PCDHA2: variants seen among roughly 807,000 people sequenced by gnomAD.
The protein encoded by PCDHA2 is protocadherin alpha 2, also known as protocadherin alpha-2.
Under a neutral mutation model 66.0 loss-of-function variants are expected in PCDHA2, and 58 were observed. That is an observed-to-expected ratio of 0.88 (90% CI 0.71 to 1.09). The LOEUF (loss-of-function observed/expected upper bound fraction) is 1.09, where lower values mean the gene tolerates loss of function less well. Among genes scored for constraint, PCDHA2 ranks in the 50% least tolerant of loss-of-function variants. The pLI is 0.00. For synonymous variants in PCDHA2, 634 were observed against 554.0 expected (o/e 1.14, Z -2.03); for missense variants, 1,267 against 1,242.3 (o/e 1.02, Z -0.30).
At chr5:140,811,445 T>C (rs1764870154) in intron 1 of PCDHA2, 1 of 152,238 alleles carries the variant, frequency 6.6e-6, no homozygotes, top group African/African-American at 2.4e-5. Flanking sequence ...TCTTTGCTAT[T>C]GTGAATAGTG....
chr5:140,858,147 T>C, intron 1 of PCDHA2: 1 of 1,597,630 alleles, frequency 6.3e-7, no homozygotes, highest in Non-Finnish European at 8.6e-7. Flanking sequence ...TACCTGATCA[T>C]CGCCATCTGC....
intron 1 of PCDHA2, among the ~76,000 whole-genome samples, chr5:140,819,085 A>C (rs1766488679): frequency 6.6e-6 from 1 of 152,214 alleles, no homozygotes; most frequent in Non-Finnish European, 1.5e-5. Context: ...GGCAGCGCTA[A>C]GATGTGTATT....
At chr5:140,838,152 C>T (rs1353802529) in intron 1 of PCDHA2, among the ~76,000 whole-genome samples, 1 of 150,110 alleles carries the variant, frequency 6.7e-6, no homozygotes, top group African/African-American at 2.5e-5. Context: ...TTTACTCTGT[C>T]GCCCTCTCTG....
Position 140,857,895 on chromosome 5 carries a change from G to C in PCDHA2, c.2388+60543G>C. 1.3e-6 allele frequency: 2 copies of C among 1,597,868 alleles called. 1 individual carries two copies. The highest frequency in any genetic ancestry group is 2.2e-5 in the South Asian group (2 of 90,498). ...TATGAATTGCAGTCGGCGGCGGTTG[G>C]TGCACGCATCCCGTTTCGCGTGGGG... On this transcript the variant is annotated intron_variant, in intron 1 of 3. Coordinates refer to ENST00000526136, the MANE Select transcript of PCDHA2 (RefSeq NM_018905.3).
chr5:140,927,366 A>G (rs782348018), intron 1 of PCDHA2: 29 of 1,614,088 alleles, frequency 1.8e-5, no homozygotes, highest in Admixed American at 1.7e-4. Context: ...GCAATGGGAT[A>G]CTAAGCTACA....
intron 1 of PCDHA2, among the ~76,000 whole-genome samples, chr5:140,919,088 T>C (rs2153552205): frequency 6.6e-6 from 1 of 152,378 alleles, no homozygotes; most frequent in South Asian, 2.1e-4. Context: ...TATTGAATTG[T>C]CTATTTCTCC....
At chr5:140,834,129 A>G in intron 1 of PCDHA2, 1 of 450,824 alleles carries the variant, frequency 2.2e-6, no homozygotes, top group Non-Finnish European at 3.9e-6. Context: ...AAAACTTTTC[A>G]TCTGATTAAT....
chr5:140,864,909 A>G (rs1046704709), intron 1 of PCDHA2: 1 of 152,160 alleles, frequency 6.6e-6, no homozygotes, highest in Non-Finnish European at 1.5e-5. Flanking sequence ...TCAGAATGGC[A>G]TTGCTGAGCT....
At chr5:140,866,033 A>T (rs934159305) in intron 1 of PCDHA2, 9 of 152,168 alleles carry the variant, frequency 5.9e-5, no homozygotes, top group African/African-American at 2.2e-4. Flanking sequence ...GTTCGTGATC[A>T]TCATTATCAT....
At chr5:141,004,080 A>G (rs1554259443) in intron 3 of PCDHA2, among the ~76,000 whole-genome samples, 1 of 152,198 alleles carries the variant, frequency 6.6e-6, no homozygotes, top group Non-Finnish European at 1.5e-5. Context: ...TAGGGGTAGA[A>G]ATGTGCTTCT....
intron 1 of PCDHA2, among the ~76,000 whole-genome samples, chr5:140,921,151 ATT>A (rs11299094): frequency 0.33 from 49,606 of 151,532 alleles, 8,413 homozygotes; most frequent in East Asian, 0.53. Flanking sequence ...CAGCTAATGC[ATT>A]TTTTTTTTAA....
At chr5:140,866,395 T>A (rs1483002508) in intron 1 of PCDHA2, 1 of 152,120 alleles carries the variant, frequency 6.6e-6, no homozygotes, top group Non-Finnish European at 1.5e-5. Context: ...AGACATAGAT[T>A]CCCATGAAAA....
At chr5:140,942,600 T>A (rs943278532) in intron 1 of PCDHA2, among the ~76,000 whole-genome samples, 2 of 132,144 alleles carry the variant, frequency 1.5e-5, no homozygotes, top group African/African-American at 6.2e-5. Flanking sequence ...ATAATTATAG[T>A]GTTTATATTT....
At chr5:140,869,924 A>G (rs2051503420) in intron 1 of PCDHA2, 3 of 1,611,514 alleles carry the variant, frequency 1.9e-6, no homozygotes, top group African/African-American at 1.3e-5. Flanking sequence ...GAAGGAGTCA[A>G]TGGAGAGGTA....
intron 1 of PCDHA2, among the ~76,000 whole-genome samples, chr5:140,952,331 T>G (rs1302386893): frequency 1.8e-5 from 2 of 112,488 alleles, no homozygotes; most frequent in African/African-American, 7.8e-5. Context: ...AGAGTGAAAC[T>G]CCATCTCAAA....
intron 1 of PCDHA2, chr5:140,927,592 G>T: frequency 6.2e-7 from 1 of 1,614,170 alleles, no homozygotes; most frequent in Admixed American, 1.7e-5. Context: ...GCCTGTATTT[G>T]AGCGCTCCGT....
At chr5:140,875,828 T>G (rs1259125673) in intron 1 of PCDHA2, 10 of 1,614,196 alleles carry the variant, frequency 6.2e-6, no homozygotes, top group Middle Eastern at 1.6e-4. Context: ...GTTTTCCATG[T>G]GGACGTGGAG....
At chr5:141,005,529 C>A (rs1387576846) in intron 3 of PCDHA2, among the ~76,000 whole-genome samples, 2 of 151,154 alleles carry the variant, frequency 1.3e-5, no homozygotes, top group Non-Finnish European at 2.9e-5. Context: ...CGGTGAAACC[C>A]CGTCTCTACT....
intron 1 of PCDHA2, among the ~76,000 whole-genome samples, chr5:140,901,473 A>C (rs1554189862): frequency 1.3e-5 from 2 of 152,012 alleles, no homozygotes. Flanking sequence ...TCTCGAGTTT[A>C]TGTTCTTGGC....
Sources: allele counts gnomAD v4.1 joint callset (sites outside exome capture counted in the v4.1 genomes callset), GRCh38; gene constraint gnomAD v4.1.1; transcripts MANE v1.5; gene names NCBI Gene and HGNC (gene_info 2026-07-23, HGNC 2026-07-21).